The following SEC24A variants were observed in gnomAD, a reference collection of about 807,000 sequenced individuals.
The protein encoded by SEC24A is SEC24 homolog A, COPII component.
SEC24A carries 93 observed loss-of-function variants against 129.4 expected under a neutral mutation model. The observed-to-expected ratio is 0.72, with a 90% CI of 0.61 to 0.85. SEC24A has a LOEUF of 0.85. Ranked by LOEUF, SEC24A falls within the 40% of genes least tolerant of loss-of-function variation. The probability of loss-of-function intolerance (pLI) is 0.00; values close to 1 mark genes in which losing one functional copy is unlikely to be tolerated. For missense variants in SEC24A, 1,264 were observed against 1,307.4 expected (o/e 0.97, Z 0.51); for synonymous variants, 460 against 467.3 (o/e 0.98, Z 0.20).
chr5:134,697,847 G>A, intron 14 of SEC24A, 52 bp from the exon 15 acceptor site: 2 of 1,522,362 alleles, frequency 1.3e-6, no homozygotes, highest in Non-Finnish European at 1.8e-6. Context: ...TTACTTTGGT[G>A]TAGTAGAAAT....
intron 1 of SEC24A, among the ~76,000 whole-genome samples, chr5:134,654,315 G>A (rs1366618371): frequency 2.6e-5 from 4 of 151,414 alleles, no homozygotes; most frequent in African/African-American, 4.9e-5. Flanking sequence ...TCTGCCTCCC[G>A]GGTTCAAGTG....
At chr5:134,652,259 A>G (rs1750082649) in intron 1 of SEC24A, among the ~76,000 whole-genome samples, 1 of 151,404 alleles carries the variant, frequency 6.6e-6, no homozygotes. Context: ...TGCTTAAATT[A>G]CATATTACAG....
chr5:134,692,804 A>G (rs756110408), intron 12 of SEC24A, 147 bp downstream of exon 12: 42 of 713,430 alleles, frequency 5.9e-5, no homozygotes, highest in Non-Finnish European at 9.2e-5. Context: ...TTAGATGAAC[A>G]GCTCTTGAGT....
chr5:134,708,675 T>A, intron 17 of SEC24A, 38 bp from the exon 18 acceptor site: 2 of 1,570,044 alleles, frequency 1.3e-6, no homozygotes, highest in South Asian at 1.2e-5. Context: ...TAAACTTCTA[T>A]CATATTTCTT....
chr5:134,680,537 T>C (rs374926278), intron 8 of SEC24A, among the ~76,000 whole-genome samples: 1 of 152,168 alleles, frequency 6.6e-6, no homozygotes, highest in East Asian at 1.9e-4. Flanking sequence ...TTCACCGTTT[T>C]GGCCAGGCTG....
chr5:134,668,152 C>T (rs1275990627), intron 3 of SEC24A, among the ~76,000 whole-genome samples: 2 of 152,010 alleles, frequency 1.3e-5, no homozygotes, highest in African/African-American at 2.4e-5. Context: ...GTAATATAAT[C>T]GTTGCAGCAA....
At position 134,672,439 on chromosome 5, in the gene SEC24A, C is replaced by T. The variant is rs191327734; in HGVS notation, c.817+553C>T. ...CTGACCTCAAGTGATCTGCCCGCCT[C>T]GGCCTCCCAAAGTGCTGGGATTATA... On this transcript the variant is annotated intron_variant, in intron 4 of 22. Transcript: ENST00000398844. Among the ~76,000 whole-genome samples the T allele has an allele frequency of 7.9e-5, 12 of 152,146 alleles. No homozygotes were observed. In the East Asian group the frequency reaches 1.9e-3, roughly 25 times the overall value.
chr5:134,662,304 G>A (rs543098472), intron 2 of SEC24A, among the ~76,000 whole-genome samples: 24 of 151,990 alleles, frequency 1.6e-4, no homozygotes, highest in Middle Eastern at 3.4e-3. Flanking sequence ...ACAGGTGCCC[G>A]CCACCACGCC....
At chr5:134,671,349 C>T (rs376006016) in intron 3 of SEC24A, among the ~76,000 whole-genome samples, 2 of 152,164 alleles carry the variant, frequency 1.3e-5, no homozygotes, top group Admixed American at 1.3e-4. Context: ...CGTGAGCCAC[C>T]GCACCTGGCC....
At chr5:134,674,970 G>A in intron 5 of SEC24A, 75 bp from the exon 6 acceptor site, 1 of 1,305,022 alleles carries the variant, frequency 7.7e-7, no homozygotes, top group South Asian at 1.6e-5. Context: ...TTACACTTTT[G>A]TTATTTACAG....
Position 134,674,696 on chromosome 5 carries a change from A to G in SEC24A, c.899A>G (p.Gln300Arg). Residue 300 changes from glutamine to arginine, a missense_variant, in exon 5 of 23, where the codon CAG becomes CGG. Coordinates refer to ENST00000398844, the MANE Select transcript of SEC24A (RefSeq NM_021982.3). ...YSYPSLPPGYQNTTPPGATGV... is the reference protein window; with the variant it reads ...YSYPSLPPGYRNTTPPGATGV... ...TATCCCTCCTTACCACCTGGTTATC[A>G]GAACACAACACCACCTGGTGCAACT... 6.2e-7 allele frequency: 1 copy of G among 1,614,084 alleles called. No homozygotes were observed. Among genetic ancestry groups the G allele is most frequent in the Non-Finnish European group, 8.5e-7 (1 of 1,179,924 alleles).
chr5:134,688,370 G>A (rs1751520324), intron 11 of SEC24A, 71 bp downstream of exon 11: 3 of 913,738 alleles, frequency 3.3e-6, no homozygotes. Context: ...TGACAAATTG[G>A]ATGTGTGTTG....
chr5:134,701,010 G>A (rs1040256675), intron 15 of SEC24A, among the ~76,000 whole-genome samples: 1 of 151,872 alleles, frequency 6.6e-6, no homozygotes, highest in African/African-American at 2.4e-5. Context: ...GAGCCACCGC[G>A]CCTGGACTGT....
At chr5:134,668,945 G>A (rs1198852045) in intron 3 of SEC24A, among the ~76,000 whole-genome samples, 3 of 149,388 alleles carry the variant, frequency 2.0e-5, no homozygotes, top group Non-Finnish European at 3.0e-5. Flanking sequence ...GGTGGCATGT[G>A]CCTGTAATCC....
At chr5:134,679,870 C>CT in intron 8 of SEC24A, 142 bp downstream of exon 8, 1 of 422,512 alleles carries the variant, frequency 2.4e-6, no homozygotes, top group Middle Eastern at 5.9e-4. Context: ...CTACAGGTAA[C>CT]TTTTTTCTGT....
chr5:134,682,622 A>G (rs760435813), intron 9 of SEC24A, 140 bp downstream of exon 9: 2 of 517,288 alleles, frequency 3.9e-6, no homozygotes, highest in East Asian at 6.6e-5. Context: ...GCTGGAGTGC[A>G]GTGGTGCAGT....
chr5:134,725,193 A>G lies in SEC24A; in HGVS notation c.*99A>G, dbSNP rs1289735879. On this transcript the variant is annotated 3_prime_UTR_variant, in exon 23 of 23. Coordinates refer to ENST00000398844, the MANE Select transcript of SEC24A (RefSeq NM_021982.3). ...TCTTTTTCTATTATGTTTGTGGACTAATGTGATGATTGAGATGTTCTCACT... is the reference window on the plus strand; with the variant it reads ...TCTTTTTCTATTATGTTTGTGGACTGATGTGATGATTGAGATGTTCTCACT... The G allele has an allele frequency of 3.1e-6, 2 of 646,774 alleles. No homozygotes were observed. Among genetic ancestry groups the G allele is most frequent in the African/African-American group, 3.7e-5 (2 of 54,454 alleles). The allele number at this position is 646,774 out of a possible 1,614,324, so 40.1% of individuals were successfully genotyped here.
chr5:134,702,393 A>G (rs906778661), intron 15 of SEC24A, among the ~76,000 whole-genome samples: 2 of 152,220 alleles, frequency 1.3e-5, no homozygotes, highest in Admixed American at 1.3e-4. Context: ...TCTTGTAAAA[A>G]ATAAAAACAT....
intron 1 of SEC24A, among the ~76,000 whole-genome samples, chr5:134,659,774 C>A (rs1472518112): frequency 1.3e-5 from 2 of 151,784 alleles, no homozygotes; most frequent in Admixed American, 6.6e-5. Flanking sequence ...CTGCCTCAGC[C>A]CCAAGTAGCT....
Sources: gnomAD v4.1 joint callset for allele counts (sites outside exome capture counted in the v4.1 genomes callset) on GRCh38, gnomAD v4.1.1 for gene constraint, MANE v1.5 for transcripts, NCBI Gene and HGNC (gene_info 2026-07-23, HGNC 2026-07-21) for gene names.